Variants in RGPD1 observed in about 807,000 individuals in gnomAD.
RGPD1 encodes RANBP2-like and GRIP domain-containing protein 1.
In RGPD1, 7 loss-of-function variants were observed where a neutral mutation model predicts 40.6. The observed-to-expected ratio is 0.17, with a 90% CI of 0.10 to 0.32. The LOEUF (loss-of-function observed/expected upper bound fraction) is 0.32. Ranked by LOEUF, RGPD1 falls within the 10% of genes least tolerant of loss-of-function variation. RGPD1 has a pLI of 1.00. For synonymous variants in RGPD1, 24 were observed against 167.0 expected, an observed-to-expected ratio of 0.14 and a Z score of 6.60; for missense variants, 50 against 472.5, an observed-to-expected ratio of 0.11 and a Z score of 8.29.
At chr2:86,923,323 A>C (rs1325034575) in intron 1 of RGPD1, among the ~76,000 whole-genome samples, 1 of 151,700 alleles carries the variant, frequency 6.6e-6, no homozygotes, top group Non-Finnish European at 1.5e-5. Flanking sequence ...TACAGGCATG[A>C]GCCACTGCAC....
At chr2:86,993,562 TTAAG>T (rs1487863226) in intron 20 of RGPD1, among the ~76,000 whole-genome samples, 1 of 51,334 alleles carries the variant, frequency 1.9e-5, no homozygotes, top group South Asian at 6.8e-4. Flanking sequence ...TGGATGCTTA[TTAAG>T]TATTACCTTA....
intron 1 of RGPD1, among the ~76,000 whole-genome samples, chr2:86,944,890 TTTC>T: frequency 6.6e-6 from 1 of 152,062 alleles, no homozygotes; most frequent in South Asian, 2.1e-4. Context: ...GCCCGGCTTT[TTTC>T]TTTAATGTAG....
At chr2:86,914,611 GGCGGCGGCGGCGGCGGCGGCCTC>G (rs1677677769) in intron 1 of RGPD1, among the ~76,000 whole-genome samples, 2 of 43,310 alleles carry the variant, frequency 4.6e-5, no homozygotes, top group Non-Finnish European at 8.2e-5. Context: ...GACCTGGCCG[GGCGGCGGCGGCGGCGGCGGCCTC>G]GACCTGGCCG....
intron 1 of RGPD1, among the ~76,000 whole-genome samples, chr2:86,929,744 C>T (rs1386641152): frequency 2.6e-5 from 3 of 114,400 alleles, no homozygotes; most frequent in African/African-American, 9.7e-5. Flanking sequence ...TTAATGAGAT[C>T]AAAGGCTCCT....
rs577740796 is a variant in RGPD1 at position 86,935,943 on chromosome 2, G to A, written c.73-15353G>A. On this transcript the variant is annotated intron_variant, in intron 1 of 22. Transcript: ENST00000398193. Reference sequence around the variant, plus strand: ...AGCACTACTTCTTCCATCTTGCATTGGATGGGGGCAGATAATTAATAATTA... The same window carrying A: ...AGCACTACTTCTTCCATCTTGCATTAGATGGGGGCAGATAATTAATAATTA... Among the ~76,000 whole-genome samples, 5 of 146,476 alleles carry A rather than the reference G, an allele frequency of 3.4e-5. No homozygotes were observed. In the East Asian group the frequency reaches 1.0e-3, roughly 30 times the overall value.
intron 1 of RGPD1, among the ~76,000 whole-genome samples, chr2:86,915,141 CAA>C (rs1303437040): frequency 2.0e-5 from 3 of 149,758 alleles, no homozygotes; most frequent in African/African-American, 7.4e-5. Context: ...ACTGAAAATA[CAA>C]AAATCAGCGG....
rs1201885574 is a variant in RGPD1 at position 86,930,738 on chromosome 2, C to T, written c.72+16817C>T. 2.0e-6 allele frequency: 3 copies of T among 1,501,330 alleles called. No individual in the cohort carries two copies. The African/African-American group carries it at 4.5e-5, about 22-fold the overall frequency. The allele number at this position is 1,501,330 out of a possible 1,614,324, so 93.0% of individuals were successfully genotyped here. A position where few individuals can be genotyped will look rare whatever the true frequency, so the allele number is the denominator to read the frequency against. On this transcript the variant is annotated intron_variant, in intron 1 of 22. Coordinates refer to the RGPD1 transcript ENST00000398193. ...CCAGGCCTCCTCGCTGCCGTTCCCG[C>T]TGCTGGCCCGAGCCATACCTCCACC... is the stretch of plus-strand genomic sequence containing the variant.
At chr2:86,942,703 C>T (rs868063265) in intron 1 of RGPD1, among the ~76,000 whole-genome samples, 80 of 147,778 alleles carry the variant, frequency 5.4e-4, no homozygotes, top group Middle Eastern at 6.9e-3. Context: ...GTGGCCTCGA[C>T]GTGGCCCGGC....
intron 1 of RGPD1, among the ~76,000 whole-genome samples, chr2:86,942,901 G>A: frequency 6.6e-6 from 1 of 152,042 alleles, no homozygotes; most frequent in East Asian, 1.9e-4. Context: ...CTCCCGGTTT[G>A]TTCCCGACGG....
chr2:86,918,605 G>A (rs1465227943), intron 1 of RGPD1, among the ~76,000 whole-genome samples: 11 of 147,910 alleles, frequency 7.4e-5, no homozygotes, highest in Admixed American at 5.4e-4. Flanking sequence ...GACTACAGGC[G>A]CCCGCCACCA....
intron 1 of RGPD1, among the ~76,000 whole-genome samples, chr2:86,931,977 A>T (rs551061168): frequency 2.1e-3 from 314 of 148,498 alleles, no homozygotes; most frequent in African/African-American, 7.0e-3. Context: ...ATTTATATAT[A>T]ATATTCATAT....
chr2:86,943,076 G>C (rs1174058761), intron 1 of RGPD1, among the ~76,000 whole-genome samples: 4 of 151,262 alleles, frequency 2.6e-5, no homozygotes, highest in Non-Finnish European at 5.9e-5. Flanking sequence ...TCCTTGGCCT[G>C]GAGGAACCCA....
chr2:86,943,476 T>C (rs1444217443), intron 1 of RGPD1, among the ~76,000 whole-genome samples: 1 of 151,988 alleles, frequency 6.6e-6, no homozygotes, highest in East Asian at 1.9e-4. Flanking sequence ...ATCTAAAGAG[T>C]GACGGAAGAA....
intron 1 of RGPD1, among the ~76,000 whole-genome samples, chr2:86,914,767 G>GGGC (rs1239541229): frequency 2.4e-4 from 4 of 16,728 alleles, no homozygotes; most frequent in Admixed American, 9.8e-4. Flanking sequence ...CGACCTGGCC[G>GGGC]GGCGGCGGCG....
upstream of RGPD1, among the ~76,000 whole-genome samples, chr2:86,941,901 G>C (rs1016046692): frequency 2.6e-5 from 4 of 151,772 alleles, no homozygotes; most frequent in South Asian, 8.3e-4. Context: ...TAGTAGAGAT[G>C]GGTTTTCGCC....
intron 22 of RGPD1, among the ~76,000 whole-genome samples, chr2:87,007,709 T>TA (rs1232999491): frequency 6.6e-6 from 1 of 152,264 alleles, no homozygotes; most frequent in African/African-American, 2.4e-5. Flanking sequence ...AATTAGCTCT[T>TA]AGAGAACCAC....
intron 1 of RGPD1, among the ~76,000 whole-genome samples, chr2:86,925,543 C>G (rs376612350): frequency 1.3e-5 from 2 of 152,204 alleles, no homozygotes; most frequent in Non-Finnish European, 2.9e-5. Context: ...TTTGGGATTA[C>G]AGGCATGAGC....
At chr2:86,938,571 CAT>C (rs1442860201), upstream of RGPD1, among the ~76,000 whole-genome samples, 1 of 146,838 alleles carries the variant, frequency 6.8e-6, no homozygotes, top group Non-Finnish European at 1.5e-5. Context: ...AGCAAGCTGA[CAT>C]ATTCAGACAA....
chr2:86,944,678 G>A (rs1441547447), intron 1 of RGPD1, among the ~76,000 whole-genome samples: 1 of 152,214 alleles, frequency 6.6e-6, no homozygotes, highest in South Asian at 2.1e-4. Flanking sequence ...TTCCCAAAGT[G>A]TTGGGATTAT....
Sources: gnomAD v4.1 joint callset for allele counts (sites outside exome capture counted in the v4.1 genomes callset) on GRCh38, gnomAD v4.1.1 for gene constraint, MANE v1.5 for transcripts, NCBI Gene and HGNC (gene_info 2026-07-23, HGNC 2026-07-21) for gene names.